USP35: variants seen among roughly 807,000 people sequenced by gnomAD.
The protein encoded by USP35 is ubiquitin carboxyl-terminal hydrolase 35.
In USP35, 69 loss-of-function variants were observed where a neutral mutation model predicts 83.8. That is an observed-to-expected ratio of 0.82 (90% CI 0.68 to 1.01). The LOEUF (loss-of-function observed/expected upper bound fraction) is 1.01, where lower values mean the gene tolerates loss of function less well. USP35 is among the 50% of genes least tolerant of loss of function. The probability of loss-of-function intolerance (pLI) is 0.00; values close to 1 mark genes in which losing one functional copy is unlikely to be tolerated. For synonymous variants in USP35, 714 were observed against 589.5 expected, an observed-to-expected ratio of 1.21 and a Z score of -3.06; for missense variants, 1,503 against 1,362.5, an observed-to-expected ratio of 1.10 and a Z score of -1.62.
the USP35 span, chr11:78,222,092 C>T: frequency 1.3e-6 from 2 of 1,564,846 alleles, no homozygotes; most frequent in East Asian, 2.2e-5. Flanking sequence ...CACCCCCACA[C>T]ATACGCACTT....
intron 4 of USP35, 140 bp downstream of exon 4, chr11:78,199,864 C>T: frequency 1.5e-6 from 2 of 1,372,026 alleles, no homozygotes; most frequent in Non-Finnish European, 2.0e-6. Flanking sequence ...CTGCCCCTCT[C>T]TGGGCCTCAG....
At chr11:78,213,625 T>TGTGTTC in intron 10 of USP35, 21 bp from the exon 11 acceptor site, 1 of 1,451,868 alleles carries the variant, frequency 6.9e-7, no homozygotes, top group Non-Finnish European at 9.1e-7. Context: ...AGTCTAAGTC[T>TGTGTTC]CCTCTCATCT....
Position 78,214,033 on chromosome 11 carries a change from CCTGGTT to C in USP35, c.*221_*226del. The C allele has an allele frequency of 4.2e-6, 2 of 481,908 alleles. No individual in the cohort carries two copies. The highest frequency in any genetic ancestry group is 6.8e-6 in the Non-Finnish European group (2 of 292,814). 29.9% of individuals were successfully genotyped at this position (481,908 alleles called of 1,614,324 possible). ...CCATTAAAACTTTACACCCAAGTGT[CCTGGTT>C]AACTTGAAGCAGCCGAGATGGGCAC... On this transcript the variant is annotated 3_prime_UTR_variant, in exon 11 of 11. Transcript: ENST00000529308.
chr11:78,230,990 C>A, the USP35 span, among the ~76,000 whole-genome samples: 1 of 152,292 alleles, frequency 6.6e-6, no homozygotes, highest in Non-Finnish European at 1.5e-5. Context: ...GGCTTCTCTT[C>A]CAGGGCTGGG....
chr11:78,210,079 C>G lies in USP35; in HGVS notation c.2224C>G (p.Pro742Ala). The change falls in exon 10 of 11, where the codon CCG becomes GCG. Residue 742 changes from proline (P) to alanine (A), a missense_variant. Physicochemically the swap from Pro to Ala is conservative, Grantham distance 27. Transcript: ENST00000529308. ...AGACAGCCTGGGAGCGGGGACCCAC[C>G]CGGATGCTGCCATCCCCTCCGGGGA... ...EEDSLGAGTH[P>A]DAAIPSGERT... 1 of 1,614,008 alleles carries G rather than the reference C, an allele frequency of 6.2e-7. No homozygotes were observed. The highest frequency in any genetic ancestry group is 8.5e-7 in the Non-Finnish European group (1 of 1,179,968).
At chr11:78,235,768 G>A in the USP35 span, among the ~76,000 whole-genome samples, 4 of 152,120 alleles carry the variant, frequency 2.6e-5, no homozygotes, top group African/African-American at 9.7e-5. Flanking sequence ...TCGCTATCAG[G>A]CTTTTGGTCA....
rs558831437 is a variant in USP35, at chr11:78,197,784, CAG to C, written c.674-148_674-147del. On this transcript the variant is annotated intron_variant, in intron 2 of 10. Transcript: ENST00000529308. ...TTTGTTGAGTGAGTTTAGGTGGAAC[CAG>C]AGACTTTGCTTGCTATAGGAGAGGA... 1.2e-4 allele frequency: 143 copies of C among 1,157,524 alleles called. 1 individual carries two copies. Among genetic ancestry groups the C allele is most frequent in the Non-Finnish European group, 1.6e-4 (139 of 848,408 alleles). The allele number at this position is 1,157,524 out of a possible 1,614,324, so 71.7% of individuals were successfully genotyped here.
At chr11:78,210,838 T>C in intron 10 of USP35, 94 bp downstream of exon 10, 1 of 1,318,034 alleles carries the variant, frequency 7.6e-7, no homozygotes, top group Non-Finnish European at 1.0e-6. Flanking sequence ...CTCTAAGTCT[T>C]TTTTGTAAAT....
intron 1 of USP35, among the ~76,000 whole-genome samples, chr11:78,191,904 CA>C (rs1421437216): frequency 1.6e-4 from 24 of 146,896 alleles, no homozygotes; most frequent in African/African-American, 5.3e-4. Flanking sequence ...AGTGCAGTGG[CA>C]TGATCTCGGC....
At chr11:78,224,548 T>C in the USP35 span, among the ~76,000 whole-genome samples, 1 of 152,234 alleles carries the variant, frequency 6.6e-6, no homozygotes, top group African/African-American at 2.4e-5. Context: ...TCTTGCTCTA[T>C]CTGCCGTGAC....
chr11:78,190,502 A>G (rs968367251), intron 1 of USP35, among the ~76,000 whole-genome samples: 1 of 152,204 alleles, frequency 6.6e-6, no homozygotes, highest in African/African-American at 2.4e-5. Flanking sequence ...TTGCTGTCAC[A>G]TGTCTCTCAT....
In USP35 at chr11:78,200,245, C is replaced by T. The variant is rs1863305658; in HGVS notation, c.1038+11C>T. 3.7e-6 allele frequency: 6 copies of T among 1,613,372 alleles called. No individual in the cohort carries two copies. The highest frequency in any genetic ancestry group is 5.1e-6 in the Non-Finnish European group (6 of 1,179,540). Reference sequence around the variant, plus strand: ...GAAGCCTTCCACCTGGTAAGGTCCCCTGCCTGCTGCCCCTGGTGAGGCCCC... The same window carrying T: ...GAAGCCTTCCACCTGGTAAGGTCCCTTGCCTGCTGCCCCTGGTGAGGCCCC... On this transcript the variant is annotated intron_variant, in intron 5 of 10. Transcript: ENST00000529308.
At chr11:78,225,114 A>T in the USP35 span, 1 of 1,610,094 alleles carries the variant, frequency 6.2e-7, no homozygotes, top group Non-Finnish European at 8.5e-7. Flanking sequence ...TCACCAGGAA[A>T]GAGCCAACTC....
At chr11:78,233,020 C>A in the USP35 span, among the ~76,000 whole-genome samples, 1 of 150,508 alleles carries the variant, frequency 6.6e-6, no homozygotes, top group South Asian at 2.1e-4. Context: ...CATATACTTA[C>A]CAATACCTGG....
chr11:78,199,481 T>G, intron 3 of USP35, 114 bp from the exon 4 acceptor site: 2 of 1,507,150 alleles, frequency 1.3e-6, no homozygotes, highest in South Asian at 2.5e-5. Context: ...GGCTGCCCTT[T>G]GCAGGTGTGA....
the USP35 span, among the ~76,000 whole-genome samples, chr11:78,228,180 C>A: frequency 6.6e-6 from 1 of 152,184 alleles, no homozygotes; most frequent in Non-Finnish European, 1.5e-5. Context: ...CGATGCTCTA[C>A]AAGCCCTTCG....
chr11:78,208,060 T>C (rs1040343874), intron 8 of USP35, among the ~76,000 whole-genome samples: 1 of 152,146 alleles, frequency 6.6e-6, no homozygotes, highest in African/African-American at 2.4e-5. Context: ...TGTGAGAGCA[T>C]GCATGAGAGA....
chr11:78,213,170 G>A (rs763480834), intron 10 of USP35, among the ~76,000 whole-genome samples: 7 of 152,230 alleles, frequency 4.6e-5, no homozygotes, highest in Non-Finnish European at 8.8e-5. Flanking sequence ...GCCCAGGGAG[G>A]GGCCTGAGGC....
the USP35 span, chr11:78,231,987 CTG>C: frequency 6.6e-6 from 1 of 152,232 alleles, no homozygotes; most frequent in Non-Finnish European, 1.5e-5. Context: ...GAAGAAAACT[CTG>C]TGTCACAAAT....
Sources: gnomAD v4.1 joint callset for allele counts (sites outside exome capture counted in the v4.1 genomes callset) on GRCh38, gnomAD v4.1.1 for gene constraint, MANE v1.5 for transcripts, NCBI Gene and HGNC (gene_info 2026-07-23, HGNC 2026-07-21) for gene names.